Variants in SFXN5 observed in about 807,000 individuals in gnomAD.
The protein encoded by SFXN5 is sideroflexin 5.
Under a neutral mutation model 50.2 loss-of-function variants are expected in SFXN5, and 43 were observed. That is an observed-to-expected ratio of 0.86 (90% CI 0.67 to 1.11). SFXN5 has a LOEUF of 1.11. Ranked by LOEUF, SFXN5 falls within the 50% of genes least tolerant of loss-of-function variation. The pLI, the probability that SFXN5 is intolerant of heterozygous loss-of-function variation, is 0.00. For synonymous variants in SFXN5, 203 were observed against 185.8 expected, an observed-to-expected ratio of 1.09 and a Z score of -0.75; for missense variants, 463 against 454.1, an observed-to-expected ratio of 1.02 and a Z score of -0.18.
chr2:73,054,933 C>A (rs188098400), intron 2 of SFXN5, among the ~76,000 whole-genome samples: 2 of 152,310 alleles, frequency 1.3e-5, no homozygotes, highest in East Asian at 3.9e-4. Flanking sequence ...CCAGACAGAG[C>A]CCAGGTAAGC....
At chr2:72,947,475 G>A (rs564014209) in intron 13 of SFXN5, among the ~76,000 whole-genome samples, 2 of 152,340 alleles carry the variant, frequency 1.3e-5, no homozygotes, top group South Asian at 4.1e-4. Flanking sequence ...CAGAGTCAAG[G>A]AGGCACCAGG....
intron 12 of SFXN5, 61 bp downstream of exon 12, chr2:72,968,387 C>T: frequency 7.0e-7 from 1 of 1,421,454 alleles, no homozygotes. Flanking sequence ...CCAGCCGGTT[C>T]CCCCTCCCTC....
chr2:72,999,318 T>C (rs913029891), intron 8 of SFXN5, among the ~76,000 whole-genome samples: 3 of 152,016 alleles, frequency 2.0e-5, no homozygotes, highest in African/African-American at 7.2e-5. Flanking sequence ...ACATGGACCA[T>C]TGAAGGCTGG....
At chr2:73,037,890 C>A (rs938158552) in intron 3 of SFXN5, among the ~76,000 whole-genome samples, 1 of 152,136 alleles carries the variant, frequency 6.6e-6, no homozygotes. Context: ...GGTGTTCCAC[C>A]AAAATGATGA....
rs774507263 is a variant in SFXN5, at chr2:72,945,000, G to C, written c.*22C>G. 6.2e-7 allele frequency: 1 copy of C among 1,610,432 alleles called. No homozygotes were observed. The highest frequency in any genetic ancestry group is 1.7e-5 in the Admixed American group (1 of 59,730). On this transcript the variant is annotated 3_prime_UTR_variant, in exon 14 of 14. Transcript: ENST00000272433. Reference sequence around the variant, plus strand: ...CAGCTCCCCGGCTGCACAGTGCTCCGTCCCCAGGCCGCTGACCACACTCAC... The same window carrying C: ...CAGCTCCCCGGCTGCACAGTGCTCCCTCCCCAGGCCGCTGACCACACTCAC...
intron 9 of SFXN5, among the ~76,000 whole-genome samples, chr2:72,995,624 T>C (rs1284315841): frequency 6.6e-6 from 1 of 152,046 alleles, no homozygotes; most frequent in Non-Finnish European, 1.5e-5. Flanking sequence ...TTGTAGGGAC[T>C]CGTTTTAATT....
At chr2:73,004,308 TGC>T (rs60403985) in intron 6 of SFXN5, among the ~76,000 whole-genome samples, 20,796 of 124,048 alleles carry the variant, frequency 0.17, 1,755 homozygotes, top group East Asian at 0.38. Flanking sequence ...GAGGAATGAG[TGC>T]GCGCGCACAC....
chr2:73,004,416 C>T (rs1044454970), intron 6 of SFXN5, among the ~76,000 whole-genome samples: 15 of 151,078 alleles, frequency 9.9e-5, no homozygotes, highest in African/African-American at 3.7e-4. Flanking sequence ...TTTATAACAC[C>T]GAGGCTTGAA....
chr2:72,998,795 G>T, intron 9 of SFXN5, 154 bp downstream of exon 9: 1 of 737,382 alleles, frequency 1.4e-6, no homozygotes, highest in Non-Finnish European at 2.2e-6. Flanking sequence ...GCCTCTTCTC[G>T]GCTTGGAAAG....
intron 10 of SFXN5, among the ~76,000 whole-genome samples, chr2:72,984,055 C>T (rs1671618992): frequency 2.0e-5 from 3 of 152,234 alleles, no homozygotes; most frequent in African/African-American, 7.2e-5. Context: ...TTAGGCGTGA[C>T]AGTCCACAAA....
rs1559067899 is a variant in SFXN5, at chr2:72,943,183, G to A, written c.*1839C>T. 1 of 152,254 alleles carries A rather than the reference G, an allele frequency of 6.6e-6. No individual in the cohort carries two copies. The highest frequency in any genetic ancestry group is 6.5e-5 in the Admixed American group (1 of 15,284). The allele number at this position is 152,254 out of a possible 1,614,324, so 9.4% of individuals were successfully genotyped here. A position where few individuals can be genotyped will look rare whatever the true frequency, so the allele number is the denominator to read the frequency against. Reference sequence around the variant, plus strand: ...CCTCAGGAGAGTGGCAGGCCCCTCAGGGCAATGTGCTGCAGAGCCAGCTGG... The same window carrying A: ...CCTCAGGAGAGTGGCAGGCCCCTCAAGGCAATGTGCTGCAGAGCCAGCTGG... On this transcript the variant is annotated 3_prime_UTR_variant, in exon 14 of 14. Transcript: ENST00000272433.
At chr2:72,981,903 T>C (rs1455324569) in intron 10 of SFXN5, among the ~76,000 whole-genome samples, 1 of 152,176 alleles carries the variant, frequency 6.6e-6, no homozygotes, top group Non-Finnish European at 1.5e-5. Context: ...GAAGGTGATT[T>C]AGAGAGATTA....
At chr2:73,000,550 GACCC>G in intron 7 of SFXN5, 63 bp from the exon 8 acceptor site, 1 of 1,487,664 alleles carries the variant, frequency 6.7e-7, no homozygotes, top group Non-Finnish European at 9.2e-7. Flanking sequence ...GCCAGGCCTG[GACCC>G]CAGGAGGCCA....
At position 72,961,213 on chromosome 2, in the gene SFXN5, A is replaced by G; in HGVS notation, c.863T>C (p.Leu288Pro). 6.5e-7 allele frequency: 1 copy of G among 1,548,464 alleles called. No individual in the cohort carries two copies. Among genetic ancestry groups the G allele is most frequent in the Non-Finnish European group, 8.7e-7 (1 of 1,154,068 alleles). The change falls in exon 13 of 14, where the codon CTC becomes CCC. Residue 288 changes from leucine to proline, a missense_variant. Coordinates refer to ENST00000272433, the MANE Select transcript of SFXN5 (RefSeq NM_144579.3). The surrounding 1 kb of genome is among the most constrained non-coding windows in gnomAD (Gnocchi z 4.4). Reference protein sequence around the residue: ...ALLQARPRLLLPVQSLVCLAA... With the variant: ...ALLQARPRLLPPVQSLVCLAA... The stretch of plus-strand genomic sequence containing the variant: ...CAGGCACACGAGGCTTTGCACAGGG[A>G]GGAGCAGCCGGGGGCGTGCCTGCAG...
chr2:73,000,013 G>A (rs937184613), intron 8 of SFXN5, among the ~76,000 whole-genome samples: 7 of 152,154 alleles, frequency 4.6e-5, no homozygotes, highest in African/African-American at 1.7e-4. Context: ...GCCAGCAGTC[G>A]GGACCTGGGA....
At chr2:72,991,388 C>T (rs771480797) in intron 9 of SFXN5, among the ~76,000 whole-genome samples, 1 of 152,262 alleles carries the variant, frequency 6.6e-6, no homozygotes, top group South Asian at 2.1e-4. Context: ...AACGTGCCTG[C>T]GCCCAAGAAA....
chr2:73,006,478 T>C (rs1674678821), intron 6 of SFXN5, among the ~76,000 whole-genome samples: 1 of 151,942 alleles, frequency 6.6e-6, no homozygotes, highest in African/African-American at 2.4e-5. Flanking sequence ...AAAAACTAGC[T>C]GAGGGTGGTG....
At chr2:72,971,780 G>A in intron 10 of SFXN5, 95 bp from the exon 11 acceptor site, 1 of 935,180 alleles carries the variant, frequency 1.1e-6, no homozygotes, top group Admixed American at 2.0e-5. Flanking sequence ...CAAGCCTTGG[G>A]GTTCTGTGTT....
intron 10 of SFXN5, 139 bp from the exon 11 acceptor site, chr2:72,971,824 T>C: frequency 1.6e-6 from 1 of 623,428 alleles, no homozygotes; most frequent in African/African-American, 1.8e-5. Context: ...GAAGGGGTGG[T>C]TCTGTTGTCC....
Sources: allele counts gnomAD v4.1 joint callset (sites outside exome capture counted in the v4.1 genomes callset), GRCh38; gene constraint gnomAD v4.1.1; non-coding constraint Gnocchi (gnomAD v3.1); transcripts MANE v1.5; gene names NCBI Gene and HGNC (gene_info 2026-07-23, HGNC 2026-07-21).